The following LUZP2 variants were observed in gnomAD, a reference collection of about 807,000 sequenced individuals.
LUZP2 encodes leucine zipper protein 2.
A neutral mutation model predicts 51.6 loss-of-function variants in LUZP2; 52 were observed. The observed-to-expected ratio is 1.01, with a 90% CI of 0.81 to 1.27. The LOEUF is 1.27. LUZP2 is among the 50% of genes most tolerant of loss of function. The probability of loss-of-function intolerance (pLI) is 0.00; values close to 1 mark genes in which losing one functional copy is unlikely to be tolerated. For missense variants in LUZP2, 436 were observed against 395.4 expected, an observed-to-expected ratio of 1.10 and a Z score of -0.87; for synonymous variants, 154 against 137.3, an observed-to-expected ratio of 1.12 and a Z score of -0.85.
At chr11:24,786,921 G>A (rs927496798) in intron 5 of LUZP2, among the ~76,000 whole-genome samples, 2 of 151,870 alleles carry the variant, frequency 1.3e-5, no homozygotes, top group Non-Finnish European at 2.9e-5. Context: ...AGTAGGTATT[G>A]TACACTTGAA....
chr11:24,618,723 AC>A (rs1202386688), intron 1 of LUZP2, among the ~76,000 whole-genome samples: 1 of 151,620 alleles, frequency 6.6e-6, no homozygotes, highest in East Asian at 1.9e-4. Flanking sequence ...TCCTCCCTTC[AC>A]CTTTCAGAGT....
chr11:24,502,829 A>C (rs1181483349), intron 1 of LUZP2, among the ~76,000 whole-genome samples: 4 of 152,218 alleles, frequency 2.6e-5, no homozygotes, highest in Non-Finnish European at 5.9e-5. Flanking sequence ...TAATTGCTAT[A>C]AATTTTGATA....
At chr11:24,850,359 A>G (rs1342024651) in intron 5 of LUZP2, among the ~76,000 whole-genome samples, 1 of 152,164 alleles carries the variant, frequency 6.6e-6, no homozygotes, top group Non-Finnish European at 1.5e-5. Context: ...CAGTTTTTCC[A>G]GCACCATTCA....
At chr11:24,561,352 G>T (rs1852033395) in intron 1 of LUZP2, among the ~76,000 whole-genome samples, 2 of 152,024 alleles carry the variant, frequency 1.3e-5, no homozygotes, top group South Asian at 4.1e-4. Flanking sequence ...TAACTTATGA[G>T]AAATATTTTA....
chr11:24,591,073 C>A (rs1853241616), intron 1 of LUZP2, among the ~76,000 whole-genome samples: 1 of 151,892 alleles, frequency 6.6e-6, no homozygotes, highest in African/African-American at 2.4e-5. Flanking sequence ...TGTGCTACTG[C>A]ACTACAGTGT....
intron 7 of LUZP2, among the ~76,000 whole-genome samples, chr11:24,964,591 C>A (rs1217434274): frequency 2.0e-5 from 3 of 152,064 alleles, no homozygotes; most frequent in African/African-American, 7.2e-5. Context: ...ATCTTCACTT[C>A]TTTGAAATCT....
At chr11:24,930,671 C>A (rs761273802) in intron 7 of LUZP2, among the ~76,000 whole-genome samples, 3 of 152,116 alleles carry the variant, frequency 2.0e-5, no homozygotes, top group Admixed American at 2.0e-4. Flanking sequence ...TCCTTCATCT[C>A]GACTTTAGAT....
chr11:24,829,206 G>C (rs2716487), intron 5 of LUZP2, among the ~76,000 whole-genome samples: 151,500 of 152,268 alleles, frequency 0.99, 75,369 homozygotes, highest in Middle Eastern at 1. Context: ...AGAGAGGGGA[G>C]TGAAGTAAGA....
At chr11:24,661,563 C>G (rs1387563371) in intron 1 of LUZP2, among the ~76,000 whole-genome samples, 1 of 152,120 alleles carries the variant, frequency 6.6e-6, no homozygotes, top group Non-Finnish European at 1.5e-5. Context: ...TACTTGTCAG[C>G]AGCACAGTTG....
chr11:24,755,891 G>A (rs1859756091), intron 4 of LUZP2, among the ~76,000 whole-genome samples: 1 of 152,212 alleles, frequency 6.6e-6, no homozygotes, highest in South Asian at 2.1e-4. Flanking sequence ...TATCTGTAAA[G>A]AGTCTTTATT....
intron 7 of LUZP2, among the ~76,000 whole-genome samples, chr11:24,937,234 T>C (rs576882921): frequency 3.9e-5 from 6 of 152,358 alleles, no homozygotes; most frequent in African/African-American, 1.4e-4. Flanking sequence ...ACTGAATATT[T>C]TGTTCATTCC....
chr11:24,837,751 A>G (rs1056064702), intron 5 of LUZP2, among the ~76,000 whole-genome samples: 2 of 151,652 alleles, frequency 1.3e-5, no homozygotes, highest in Non-Finnish European at 3.0e-5. Context: ...CTTTAAGGCT[A>G]AAAGACTTAG....
intron 7 of LUZP2, among the ~76,000 whole-genome samples, chr11:24,924,626 G>C: frequency 6.6e-6 from 1 of 152,150 alleles, no homozygotes; most frequent in East Asian, 1.9e-4. Flanking sequence ...GGGCATACCT[G>C]TGACACAGCC....
At chr11:24,510,217 A>G (rs1850268565) in intron 1 of LUZP2, among the ~76,000 whole-genome samples, 1 of 152,222 alleles carries the variant, frequency 6.6e-6, no homozygotes, top group African/African-American at 2.4e-5. Context: ...TGTCTTAAAG[A>G]AAGAAAACGA....
At chr11:24,603,405 C>G (rs1163161823) in intron 1 of LUZP2, among the ~76,000 whole-genome samples, 1 of 151,754 alleles carries the variant, frequency 6.6e-6, no homozygotes, top group Non-Finnish European at 1.5e-5. Flanking sequence ...TTATGTAAGC[C>G]TTCCAGATGT....
chr11:24,928,104 T>C (rs2133829378), intron 7 of LUZP2, among the ~76,000 whole-genome samples: 1 of 152,264 alleles, frequency 6.6e-6, no homozygotes, highest in South Asian at 2.1e-4. Context: ...CCTGAAACTT[T>C]GCTGAATTTA....
chr11:24,572,143 A>G (rs1054832039), intron 1 of LUZP2, among the ~76,000 whole-genome samples: 14 of 152,016 alleles, frequency 9.2e-5, no homozygotes, highest in African/African-American at 3.4e-4. Context: ...ATGTCAGGCC[A>G]TCATGCTTAC....
intron 9 of LUZP2, among the ~76,000 whole-genome samples, chr11:24,999,251 A>G (rs1357244132): frequency 3.3e-5 from 5 of 152,168 alleles, no homozygotes; most frequent in Admixed American, 6.6e-5. Flanking sequence ...TCTAAAAACC[A>G]GCAGAAATGA....
At chr11:25,066,165 A>C (rs766549307) in intron 10 of LUZP2, among the ~76,000 whole-genome samples, 1 of 116,510 alleles carries the variant, frequency 8.6e-6, no homozygotes, top group Non-Finnish European at 1.9e-5. Flanking sequence ...TATTTCTTCT[A>C]TTTTGTGACT....
Sources: gnomAD v4.1 joint callset for allele counts (sites outside exome capture counted in the v4.1 genomes callset) on GRCh38, gnomAD v4.1.1 for gene constraint, MANE v1.5 for transcripts, NCBI Gene and HGNC (gene_info 2026-07-23, HGNC 2026-07-21) for gene names.